The following SAMD11 variants were observed in gnomAD, a reference collection of about 807,000 sequenced individuals.
SAMD11 encodes sterile alpha motif domain-containing protein 11.
A neutral mutation model predicts 64.4 loss-of-function variants in SAMD11; 77 were observed. The ratio of observed to expected loss-of-function variants is 1.20; its 90% CI spans 0.99 to 1.44. The LOEUF is 1.44. Among genes scored for constraint, SAMD11 ranks in the 40% most tolerant of loss-of-function variants. SAMD11 has a pLI of 0.00. For missense variants in SAMD11, 1,402 were observed against 943.3 expected (o/e 1.49, Z -6.37); for synonymous variants, 658 against 421.9 (o/e 1.56, Z -6.86).
chr1:944,429 C>A lies in SAMD11; in HGVS notation c.*276C>A, dbSNP rs905366888. 1.9e-6 allele frequency: 2 copies of A among 1,060,176 alleles called. No homozygotes were observed. Among genetic ancestry groups the A allele is most frequent in the Middle Eastern group, 3.2e-4 (1 of 3,150 alleles). 65.7% of individuals were successfully genotyped at this position (1,060,176 alleles called of 1,614,324 possible). Reference sequence around the variant, plus strand: ...CTCCCCCTGGAACTGGGACTGGTCTCGGTCTGCTGACGTCAGGGTCAGCTC... The same window carrying A: ...CTCCCCCTGGAACTGGGACTGGTCTAGGTCTGCTGACGTCAGGGTCAGCTC... On this transcript the variant is annotated 3_prime_UTR_variant, in exon 14 of 14. Coordinates refer to ENST00000616016, the MANE Select transcript of SAMD11 (RefSeq NM_001385641.1).
chr1:925,703 G>C (rs949633492), intron 1 of SAMD11: 24 of 504,014 alleles, frequency 4.8e-5, no homozygotes, highest in Non-Finnish European at 8.3e-5. Context: ...CCTTCGTCGG[G>C]GGAGGGCGCT....
chr1:941,075 G>A lies in SAMD11; in HGVS notation c.1196-69G>A, dbSNP rs978318602. Reference sequence around the variant, plus strand: ...TCAGTTCCCCACCTCAGTGTTCTACGCCAGGACGCGGGCTGGGGAGGATGA... The same window carrying A: ...TCAGTTCCCCACCTCAGTGTTCTACACCAGGACGCGGGCTGGGGAGGATGA... On this transcript the variant is annotated intron_variant, in intron 7 of 13. Coordinates refer to ENST00000616016, the MANE Select transcript of SAMD11 (RefSeq NM_001385641.1). The A allele has an allele frequency of 4.9e-6, 7 of 1,426,310 alleles. No individual in the cohort carries two copies. The African/African-American group carries it at 9.9e-5, about 20-fold the overall frequency. The allele number at this position is 1,426,310 out of a possible 1,614,324, so 88.4% of individuals were successfully genotyped here.
intron 11 of SAMD11, 75 bp downstream of exon 11, chr1:943,133 G>T (rs558362411): frequency 1.3e-6 from 2 of 1,572,706 alleles, no homozygotes; most frequent in South Asian, 1.2e-5. Flanking sequence ...GTCTTGGGGG[G>T]AGGAAAAATT....
At position 926,010 on chromosome 1, in the gene SAMD11, G is replaced by A. The variant is rs889842126; in HGVS notation, c.606G>A (p.Pro202=). The change falls in exon 2 of 14, where the codon CCG becomes CCA. Residue 202 remains proline, a synonymous_variant. Coordinates refer to ENST00000616016, the MANE Select transcript of SAMD11 (RefSeq NM_001385641.1). ...CDCPGCRISS[P]VNRGRLADKR... ...GCCCGGGCTGCCGAATATCCTCCCC[G>A]GTGGTGAGATGCGGGGCTCGGTTGG... 8.1e-6 allele frequency: 13 copies of A among 1,611,398 alleles called. No homozygotes were observed. The highest frequency in any genetic ancestry group is 1.1e-5 in the South Asian group (1 of 91,082).
In SAMD11 at chr1:942,812, G is replaced by T. The variant is rs1370379893; in HGVS notation, c.1807G>T (p.Ala603Ser). 4.5e-6 allele frequency: 7 copies of T among 1,547,514 alleles called. No homozygotes were observed. In the East Asian group the frequency reaches 9.8e-5, roughly 22 times the overall value. Residue 603 changes from alanine to serine, a missense_variant, in exon 11 of 14, where the codon GCC becomes TCC. By Grantham distance (99) the Ala-to-Ser change is moderately conservative. Coordinates refer to ENST00000616016, the MANE Select transcript of SAMD11 (RefSeq NM_001385641.1). ...RAPRKGGPGPASARPSESKEM... is the reference protein window; with the variant it reads ...RAPRKGGPGPSSARPSESKEM... ...CCCCCGGAAGGGGGGTCCCGGCCCT[G>T]CCTCAGCGCGGCCCAGCGAGTCCAA...
intron 2 of SAMD11, among the ~76,000 whole-genome samples, chr1:928,107 TGG>T (rs1434283688): frequency 4.3e-4 from 65 of 151,990 alleles, no homozygotes; most frequent in African/African-American, 1.5e-3. Flanking sequence ...AGAAGGGAGG[TGG>T]GAGGCCGGGT....
rs777407018 is a variant in SAMD11, at chr1:943,938, G to A, written c.2320G>A (p.Val774Met). Residue 774 changes from valine (V) to methionine (M), a missense_variant, in exon 14 of 14, where the codon GTG becomes ATG. Transcript: ENST00000616016. The stretch of plus-strand genomic sequence containing the variant: ...CAGGCGCCTGGGCCGAGTTTTCTAC[G>A]TGGCCAGCTTCCCCGTGGCTCTGCC... ...VARRLGRVFY[V>M]ASFPVALPLQ... 7.4e-6 allele frequency: 12 copies of A among 1,612,556 alleles called. No individual in the cohort carries two copies. In the East Asian group the frequency reaches 1.3e-4, roughly 18 times the overall value.
At position 942,146 on chromosome 1, in the gene SAMD11, C is replaced by A; in HGVS notation, c.1369C>A (p.Gln457Lys). Residue 457 changes from glutamine to lysine, a missense_variant, in exon 9 of 14, where the codon CAG (glutamine) becomes AAG (lysine). Transcript: ENST00000616016. ...APSFSERELP[Q>K]PPPLLSPQNA... ...CGCTGCCGTCCACAGGGAGCTGCCT[C>A]AGCCGCCCCCCTTGCTGTCGCCGCA... 1 of 1,359,954 alleles carries A rather than the reference C, an allele frequency of 7.4e-7. No individual in the cohort carries two copies. Among genetic ancestry groups the A allele is most frequent in the Non-Finnish European group, 9.8e-7 (1 of 1,019,070 alleles). The allele number at this position is 1,359,954 out of a possible 1,614,324, so 84.2% of individuals were successfully genotyped here.
chr1:943,497 C>T (rs943421581), intron 12 of SAMD11, 120 bp downstream of exon 12: 105 of 981,414 alleles, frequency 1.1e-4, no homozygotes, highest in African/African-American at 1.0e-4. Flanking sequence ...AAAAGCAGTG[C>T]GCAGCAGGGA....
At chr1:935,950 G>T in intron 5 of SAMD11, 54 bp downstream of exon 5, 1 of 1,574,168 alleles carries the variant, frequency 6.4e-7, no homozygotes, top group South Asian at 1.1e-5. Flanking sequence ...GCCAGAGGAC[G>T]GTGGCGTCTC....
intron 2 of SAMD11, among the ~76,000 whole-genome samples, 171 bp from the exon 3 acceptor site, chr1:929,984 G>A (rs574001985): frequency 1.6e-4 from 25 of 152,332 alleles, no homozygotes; most frequent in African/African-American, 5.3e-4. Context: ...GCAGGTAGAG[G>A]GAGGATGGCT....
At chr1:931,468 G>GA (rs1407403924) in intron 4 of SAMD11, among the ~76,000 whole-genome samples, 1 of 152,228 alleles carries the variant, frequency 6.6e-6, no homozygotes, top group Non-Finnish European at 1.5e-5. Context: ...ACAAGGAGGT[G>GA]AGAATGCTGA....
intron 4 of SAMD11, 129 bp downstream of exon 4, chr1:931,218 G>C: frequency 2.2e-6 from 2 of 895,842 alleles, no homozygotes; most frequent in Non-Finnish European, 3.5e-6. Context: ...CTGGCTGAGT[G>C]TCTGCCAGGT....
intron 2 of SAMD11, among the ~76,000 whole-genome samples, chr1:928,119 T>C (rs28718350): frequency 0.067 from 10,212 of 151,834 alleles, 362 homozygotes; most frequent in African/African-American, 0.11. Flanking sequence ...GGAGGCCGGG[T>C]GTGGTGGCGC....
At chr1:938,958 C>G in intron 5 of SAMD11, 82 bp from the exon 6 acceptor site, 1 of 1,224,946 alleles carries the variant, frequency 8.2e-7, no homozygotes, top group Non-Finnish European at 1.2e-6. Context: ...ATGGTGGGTG[C>G]GGTCCAGGCT....
Position 930,321 on chromosome 1 carries a change from G to A in SAMD11, c.776G>A (p.Arg259His), listed in dbSNP as rs768961023. The change falls in exon 3 of 14, where the codon CGT becomes CAT. Residue 259 changes from arginine to histidine, a missense_variant. Coordinates refer to ENST00000616016, the MANE Select transcript of SAMD11 (RefSeq NM_001385641.1). Reference protein sequence around the residue: ...GLKQEDGPHIRIMKRRVHTHW... With the variant: ...GLKQEDGPHIHIMKRRVHTHW... ...AAGCAGGAGGATGGTCCGCACATCC[G>A]TATCATGAAGAGAAGGTACTTGGAC... is the stretch of plus-strand genomic sequence containing the variant. 3.4e-5 allele frequency: 54 copies of A among 1,604,730 alleles called. No individual in the cohort carries two copies. Among genetic ancestry groups the A allele is most frequent in the Admixed American group, 2.7e-4 (16 of 58,940 alleles).
At position 939,304 on chromosome 1, in the gene SAMD11, C is replaced by G. The variant is rs778837448; in HGVS notation, c.1087C>G (p.Pro363Ala). ...GCTGCTGCTGCCGCGGGAGCTGGGG[C>G]CCAGCATGGCCCCGGAGGACCATTA... is the stretch of plus-strand genomic sequence containing the variant. ...EALLLPRELGPSMAPEDHYRR... is the reference protein window; with the variant it reads ...EALLLPRELGASMAPEDHYRR... The change falls in exon 7 of 14, where the codon CCC becomes GCC. Residue 363 changes from proline to alanine, a missense_variant. Pro to Ala is a conservative substitution (Grantham distance 27, BLOSUM62 -1). Transcript: ENST00000616016. 1.2e-6 allele frequency: 2 copies of G among 1,610,042 alleles called. No individual in the cohort carries two copies. The highest frequency in any genetic ancestry group is 1.7e-6 in the Non-Finnish European group (2 of 1,178,926).
chr1:925,741 G>A (rs1640851518), intron 1 of SAMD11, 181 bp from the exon 2 acceptor site: 2 of 590,572 alleles, frequency 3.4e-6, no homozygotes, highest in Non-Finnish European at 6.2e-6. Context: ...GCAGAGCCCA[G>A]CAGATCCCTG....
chr1:931,185 CAGCGTG>C, intron 4 of SAMD11, 96 bp downstream of exon 4: 1 of 1,109,422 alleles, frequency 9.0e-7, no homozygotes, highest in Non-Finnish European at 1.3e-6. Context: ...TCCGCTGTCT[CAGCGTG>C]AGCTGATGCT....
Sources: allele counts gnomAD v4.1 joint callset (sites outside exome capture counted in the v4.1 genomes callset), GRCh38; gene constraint gnomAD v4.1.1; transcripts MANE v1.5; gene names NCBI Gene and HGNC (gene_info 2026-07-23, HGNC 2026-07-21).